MRTFA: variants seen among roughly 807,000 people sequenced by gnomAD.
The protein encoded by MRTFA is myocardin related transcription factor A, also known as myocardin-related transcription factor A.
In MRTFA, 20 loss-of-function variants were observed where a neutral mutation model predicts 83.5. The ratio of observed to expected loss-of-function variants is 0.24; its 90% confidence interval spans 0.17 to 0.35. The LOEUF (loss-of-function observed/expected upper bound fraction) is 0.35. Ranked by LOEUF, MRTFA falls within the 10% of genes least tolerant of loss-of-function variation. The pLI is 1.00. For missense variants in MRTFA, 1,200 were observed against 1,224.7 expected, an observed-to-expected ratio of 0.98 and a Z score of 0.30; for synonymous variants, 659 against 541.2, an observed-to-expected ratio of 1.22 and a Z score of -3.02.
rs1247945824 is a variant in MRTFA at position 40,423,579 on chromosome 22, C to G, written c.884G>C (p.Gly295Ala). ...GGACTTGGCAGTGGGGATAGTGGTT[C>G]CATTGGTGAGGCTGGGAGGCAGCAG... Residue 295 changes from glycine to alanine, a missense_variant, in exon 9 of 15, where the codon GGA becomes GCA. Gly to Ala is a moderately conservative substitution (Grantham distance 60, BLOSUM62 0). This residue lies in a region of MRTFA where 1,107 missense variants were observed against 1,041.8 expected (regional missense o/e 1.06). Transcript: ENST00000355630. 6 of 1,588,854 alleles carry G rather than the reference C, an allele frequency of 3.8e-6. No homozygotes were observed. Among genetic ancestry groups the G allele is most frequent in the Non-Finnish European group, 5.1e-6 (6 of 1,166,454 alleles).
At chr22:40,600,268 C>A (rs2056243725) in intron 1 of MRTFA, among the ~76,000 whole-genome samples, 1 of 152,080 alleles carries the variant, frequency 6.6e-6, no homozygotes, top group East Asian at 1.9e-4. Flanking sequence ...CGAATCCATG[C>A]AAAGTGCTGG....
intron 3 of MRTFA, among the ~76,000 whole-genome samples, chr22:40,493,494 C>A (rs1437994748): frequency 1.3e-5 from 2 of 152,144 alleles, no homozygotes; most frequent in Non-Finnish European, 2.9e-5. Flanking sequence ...TCGTCCATCC[C>A]TTGCACTGTA....
intron 2 of MRTFA, among the ~76,000 whole-genome samples, chr22:40,570,213 G>A (rs942958846): frequency 2.0e-5 from 3 of 152,050 alleles, no homozygotes; most frequent in Admixed American, 1.3e-4. Flanking sequence ...GCTAAGTGGG[G>A]TCATGTGACT....
chr22:40,562,759 G>A (rs1271286901), intron 2 of MRTFA, among the ~76,000 whole-genome samples: 7 of 84,988 alleles, frequency 8.2e-5, no homozygotes, highest in East Asian at 4.9e-4. Context: ...GACGGAGGGG[G>A]GAATGGAGGG....
chr22:40,617,156 A>AGGAG (rs1602499636), intron 1 of MRTFA, among the ~76,000 whole-genome samples: 2 of 101,716 alleles, frequency 2.0e-5, no homozygotes, highest in Admixed American at 1.1e-4. Flanking sequence ...GAAGGAAGGA[A>AGGAG]GGAAGGAGGG....
chr22:40,573,720 T>A (rs555272464), intron 2 of MRTFA, among the ~76,000 whole-genome samples: 1 of 151,102 alleles, frequency 6.6e-6, no homozygotes, highest in Non-Finnish European at 1.5e-5. Context: ...CTGGGTAACA[T>A]AGAGAGGCCC....
chr22:40,556,524 T>G (rs959469730), intron 2 of MRTFA, among the ~76,000 whole-genome samples: 17 of 152,112 alleles, frequency 1.1e-4, no homozygotes, highest in Non-Finnish European at 2.4e-4. Flanking sequence ...GGGAGACAAG[T>G]TCAAAAAAAA....
intron 4 of MRTFA, among the ~76,000 whole-genome samples, chr22:40,456,142 A>G (rs2053583021): frequency 1.3e-5 from 2 of 152,198 alleles, no homozygotes; most frequent in Admixed American, 6.5e-5. Context: ...ATGTCAAATC[A>G]TAACCCCTTC....
intron 3 of MRTFA, among the ~76,000 whole-genome samples, chr22:40,470,261 A>ATT (rs1289802701): frequency 8.6e-6 from 1 of 116,642 alleles, no homozygotes; most frequent in Non-Finnish European, 1.7e-5. Flanking sequence ...ATATATATAT[A>ATT]TATATATATA....
chr22:40,529,612 A>G (rs932613443), intron 3 of MRTFA, among the ~76,000 whole-genome samples: 2 of 152,200 alleles, frequency 1.3e-5, no homozygotes, highest in African/African-American at 4.8e-5. Flanking sequence ...AATAAAACAA[A>G]TATTTTCAAA....
At chr22:40,598,453 A>G (rs2147390084) in intron 1 of MRTFA, among the ~76,000 whole-genome samples, 1 of 152,286 alleles carries the variant, frequency 6.6e-6, no homozygotes, top group Middle Eastern at 3.4e-3. Context: ...AACCTCAGAA[A>G]CTAACACATC....
At chr22:40,413,671 C>T (rs2052612469) in intron 14 of MRTFA, among the ~76,000 whole-genome samples, 1 of 152,132 alleles carries the variant, frequency 6.6e-6, no homozygotes, top group Admixed American at 6.5e-5. Context: ...TCTCGATCTC[C>T]TGACCTCGTG....
intron 2 of MRTFA, among the ~76,000 whole-genome samples, chr22:40,554,777 A>G (rs5758004): frequency 0.54 from 81,958 of 152,066 alleles, 22,790 homozygotes; most frequent in East Asian, 0.88. Flanking sequence ...TGTAAAGTAA[A>G]CTAGCACCCA....
At chr22:40,597,726 G>A (rs560952478) in intron 1 of MRTFA, among the ~76,000 whole-genome samples, 24 of 152,344 alleles carry the variant, frequency 1.6e-4, no homozygotes, top group Admixed American at 7.2e-4. Flanking sequence ...ACTGCTTCAC[G>A]CAGAGGAAGA....
intron 3 of MRTFA, among the ~76,000 whole-genome samples, chr22:40,487,436 G>C (rs1285951722): frequency 6.6e-6 from 1 of 152,178 alleles, no homozygotes; most frequent in Non-Finnish European, 1.5e-5. Flanking sequence ...AGAAGAACTA[G>C]TGTGCCAAGC....
chr22:40,569,762 TAC>T (rs1569333116), intron 2 of MRTFA: 12 of 151,352 alleles, frequency 7.9e-5, no homozygotes, highest in African/African-American at 2.7e-4. Flanking sequence ...CATACATACA[TAC>T]ATACATACAT....
At chr22:40,465,695 G>T (rs941280822) in intron 3 of MRTFA, among the ~76,000 whole-genome samples, 4 of 151,978 alleles carry the variant, frequency 2.6e-5, no homozygotes, top group African/African-American at 7.3e-5. Flanking sequence ...GGAGTAGCTG[G>T]AACTATAGGT....
At chr22:40,429,828 G>C in intron 6 of MRTFA, 61 bp from the exon 7 acceptor site, 1 of 1,514,670 alleles carries the variant, frequency 6.6e-7, no homozygotes, top group Non-Finnish European at 8.9e-7. Context: ...TCTGCCCCGG[G>C]AACTCCAGAG....
intron 1 of MRTFA, among the ~76,000 whole-genome samples, chr22:40,599,901 T>A (rs1311544226): frequency 7.1e-6 from 1 of 140,520 alleles, no homozygotes; most frequent in Non-Finnish European, 1.6e-5. Flanking sequence ...ACGCTGTGTC[T>A]TTAAAAAAAA....
Sources: allele counts gnomAD v4.1 joint callset (sites outside exome capture counted in the v4.1 genomes callset), GRCh38; gene constraint gnomAD v4.1.1; regional missense constraint gnomAD v4.1.1; transcripts MANE v1.5; gene names NCBI Gene and HGNC (gene_info 2026-07-23, HGNC 2026-07-21).